RBFOX1: variants seen among roughly 807,000 people sequenced by gnomAD.
RBFOX1 encodes the protein RNA binding protein fox-1 homolog 1.
Under a neutral mutation model 57.7 loss-of-function variants are expected in RBFOX1, and 8 were observed. The ratio of observed to expected loss-of-function variants is 0.14; its 90% confidence interval spans 0.08 to 0.25. RBFOX1 has a LOEUF of 0.25. Ranked by LOEUF, RBFOX1 falls within the 10% of genes least tolerant of loss-of-function variation. The pLI, the probability that RBFOX1 is intolerant of heterozygous loss-of-function variation, is 1.00. For synonymous variants in RBFOX1, 326 were observed against 222.4 expected, an observed-to-expected ratio of 1.47 and a Z score of -4.15; for missense variants, 611 against 548.5, an observed-to-expected ratio of 1.11 and a Z score of -1.14.
chr16:7,402,157 T>A (rs2098255084), intron 4 of RBFOX1, among the ~76,000 whole-genome samples: 2 of 152,152 alleles, frequency 1.3e-5, no homozygotes, highest in South Asian at 4.1e-4. Context: ...ATATATTGTG[T>A]TATAAAACTC....
At chr16:6,390,949 C>T (rs1468874786) in intron 2 of RBFOX1, among the ~76,000 whole-genome samples, 3 of 152,106 alleles carry the variant, frequency 2.0e-5, no homozygotes, top group African/African-American at 7.2e-5. Flanking sequence ...TACTGACATT[C>T]GAAGCTGGAG....
At chr16:5,780,036 C>T (rs2054276566) in intron 3 of RBFOX1, among the ~76,000 whole-genome samples, 2 of 152,360 alleles carry the variant, frequency 1.3e-5, no homozygotes, top group African/African-American at 4.8e-5. Context: ...CGGAGTCTTG[C>T]TGTGTCGCCC....
intron 2 of RBFOX1, among the ~76,000 whole-genome samples, chr16:6,602,419 A>G (rs1039801664): frequency 2.6e-5 from 4 of 152,080 alleles, no homozygotes; most frequent in African/African-American, 9.7e-5. Context: ...TGAGTATAGG[A>G]TGGTCTCTCT....
chr16:6,757,426 A>T (rs1056072139), intron 3 of RBFOX1, among the ~76,000 whole-genome samples: 1 of 152,222 alleles, frequency 6.6e-6, no homozygotes, highest in African/African-American at 2.4e-5. Flanking sequence ...TAGATTAAAA[A>T]TGTGGTATAT....
At chr16:6,817,635 G>A (rs543950524) in intron 3 of RBFOX1, among the ~76,000 whole-genome samples, 17 of 151,838 alleles carry the variant, frequency 1.1e-4, no homozygotes, top group African/African-American at 2.9e-4. Flanking sequence ...GAACCCAGGA[G>A]GAGGTTGCAG....
intron 4 of RBFOX1, among the ~76,000 whole-genome samples, chr16:7,386,390 C>G (rs1441442956): frequency 6.6e-6 from 1 of 151,764 alleles, no homozygotes; most frequent in East Asian, 1.9e-4. Context: ...AGCCCCCACC[C>G]CCCAACAGGC....
chr16:6,836,255 G>A (rs1335600729), intron 3 of RBFOX1, among the ~76,000 whole-genome samples: 1 of 152,040 alleles, frequency 6.6e-6, no homozygotes, highest in African/African-American at 2.4e-5. Context: ...TTCCCATCTG[G>A]CTTCTTAAAA....
intron 4 of RBFOX1, among the ~76,000 whole-genome samples, chr16:7,190,623 A>C: frequency 6.6e-6 from 1 of 152,126 alleles, no homozygotes; most frequent in Non-Finnish European, 1.5e-5. Context: ...GGGTTGGTAG[A>C]GTGGTATTGC....
intron 1 of RBFOX1, among the ~76,000 whole-genome samples, chr16:6,073,205 A>T: frequency 6.6e-6 from 1 of 152,088 alleles, no homozygotes; most frequent in East Asian, 1.9e-4. Context: ...CATCTACTCC[A>T]CTGACTTCCA....
chr16:7,431,441 G>C (rs1540348), intron 4 of RBFOX1: 6 of 151,666 alleles, frequency 4.0e-5, no homozygotes, highest in African/African-American at 1.2e-4. Flanking sequence ...GGTTCTTACT[G>C]TGTTGCCCAG....
intron 3 of RBFOX1, among the ~76,000 whole-genome samples, chr16:6,745,551 C>A (rs1044139270): frequency 6.6e-6 from 1 of 152,094 alleles, no homozygotes; most frequent in Admixed American, 6.6e-5. Context: ...TGAACTAACA[C>A]AATTATTTTA....
At chr16:6,212,806 C>G (rs2097307371) in intron 1 of RBFOX1, among the ~76,000 whole-genome samples, 1 of 152,086 alleles carries the variant, frequency 6.6e-6, no homozygotes, top group South Asian at 2.1e-4. Flanking sequence ...AAGACATACT[C>G]TTTAATTTTT....
At chr16:6,891,811 C>T (rs1351773542) in intron 3 of RBFOX1, among the ~76,000 whole-genome samples, 1 of 152,172 alleles carries the variant, frequency 6.6e-6, no homozygotes, top group Non-Finnish European at 1.5e-5. Flanking sequence ...AAGGTTGAGC[C>T]AGCCTAATGT....
At chr16:7,074,804 C>T (rs1453499491) in intron 4 of RBFOX1, among the ~76,000 whole-genome samples, 1 of 152,132 alleles carries the variant, frequency 6.6e-6, no homozygotes, top group East Asian at 1.9e-4. Context: ...CAAAGATAAA[C>T]AGATGCATTT....
chr16:7,417,145 G>C (rs1168267890), intron 4 of RBFOX1, among the ~76,000 whole-genome samples: 1 of 151,996 alleles, frequency 6.6e-6, no homozygotes, highest in Non-Finnish European at 1.5e-5. Flanking sequence ...GGAGGCGGGT[G>C]GATCATCTGA....
At chr16:5,700,040 G>A (rs960620655) in intron 3 of RBFOX1, among the ~76,000 whole-genome samples, 5 of 152,106 alleles carry the variant, frequency 3.3e-5, no homozygotes, top group East Asian at 1.9e-4. Context: ...TACCGTGTTA[G>A]CCAGGATGGT....
intron 4 of RBFOX1, among the ~76,000 whole-genome samples, chr16:7,299,016 A>G (rs889531505): frequency 6.6e-6 from 1 of 152,188 alleles, no homozygotes; most frequent in African/African-American, 2.4e-5. Flanking sequence ...TTTATGTATC[A>G]TGTATCTACC....
At position 6,769,045 on chromosome 16, in the gene RBFOX1, G is replaced by C. The variant is rs187960387; in HGVS notation, c.-16+114395G>C. ...CCCAGCCAATATTACTTCTTTTTCT[G>C]TTTAACAGTTGATATTGTTTGGCTG... is the stretch of plus-strand genomic sequence containing the variant. On this transcript the variant is annotated intron_variant, in intron 3 of 15. Transcript: ENST00000550418. Among the ~76,000 whole-genome samples, 282 of 152,118 alleles carry C rather than the reference G, an allele frequency of 1.9e-3. 3 individuals are homozygous for C. The highest frequency in any genetic ancestry group is 0.015 in the Admixed American group (224 of 15,270).
At chr16:7,050,823 T>A (rs1451967567) in intron 3 of RBFOX1, among the ~76,000 whole-genome samples, 1 of 152,208 alleles carries the variant, frequency 6.6e-6, no homozygotes, top group Non-Finnish European at 1.5e-5. Flanking sequence ...TTGTTGTTAA[T>A]TGACATGGAA....
Sources: gnomAD v4.1 joint callset for allele counts (sites outside exome capture counted in the v4.1 genomes callset) on GRCh38, gnomAD v4.1.1 for gene constraint, MANE v1.5 for transcripts, NCBI Gene and HGNC (gene_info 2026-07-23, HGNC 2026-07-21) for gene names.